Variants in CFAP58 observed in about 807,000 individuals in gnomAD.
CFAP58 encodes cilia- and flagella-associated protein 58.
CFAP58 carries 88 observed loss-of-function variants against 119.5 expected under a neutral mutation model. The observed-to-expected ratio is 0.74, with a 90% CI of 0.62 to 0.88. The LOEUF is 0.88. Ranked by LOEUF, CFAP58 falls within the 40% of genes least tolerant of loss-of-function variation. CFAP58 has a pLI of 0.00. For synonymous variants in CFAP58, 365 were observed against 366.3 expected (o/e 1.00, Z 0.04); for missense variants, 990 against 1,021.2 (o/e 0.97, Z 0.42).
upstream of CFAP58, among the ~76,000 whole-genome samples, chr10:104,352,816 T>A (rs768852167): frequency 6.6e-6 from 1 of 152,120 alleles, no homozygotes; most frequent in African/African-American, 2.4e-5. Flanking sequence ...TCAGAAGCAA[T>A]GAACTATATG....
chr10:104,403,274 A>G (rs1339917108), intron 13 of CFAP58, among the ~76,000 whole-genome samples: 2 of 152,112 alleles, frequency 1.3e-5, no homozygotes, highest in Non-Finnish European at 2.9e-5. Context: ...GCCTGCCACG[A>G]TGTAAGATGT....
chr10:104,373,292 A>C (rs1489688056), intron 7 of CFAP58, among the ~76,000 whole-genome samples: 1 of 152,212 alleles, frequency 6.6e-6, no homozygotes, highest in African/African-American at 2.4e-5. Flanking sequence ...GAATAAAAAT[A>C]TAAATCTGTC....
At chr10:104,407,324 A>G (rs761288386) in intron 15 of CFAP58, among the ~76,000 whole-genome samples, 29 of 152,160 alleles carry the variant, frequency 1.9e-4, no homozygotes, top group Non-Finnish European at 3.8e-4. Flanking sequence ...CATCATCATC[A>G]TCATCATCAT....
rs1318026071 is a variant in CFAP58, at chr10:104,365,664, G to T, written c.598-150G>T. On this transcript the variant is annotated intron_variant, in intron 4 of 17. Coordinates refer to ENST00000369704, the MANE Select transcript of CFAP58 (RefSeq NM_001008723.2). ...TATTCCTGAAAAGTTTGAACACTGG[G>T]GCTCAAGGATGTCTGCCCTATAGGG... 3 of 557,610 alleles carry T rather than the reference G, an allele frequency of 5.4e-6. No homozygotes were observed. In the Admixed American group the frequency reaches 9.8e-5, roughly 18 times the overall value. 34.5% of individuals were successfully genotyped at this position (557,610 alleles called of 1,614,324 possible). A position where few individuals can be genotyped will look rare whatever the true frequency, so the allele number is the denominator to read the frequency against.
intron 15 of CFAP58, among the ~76,000 whole-genome samples, chr10:104,410,225 G>A (rs139225900): frequency 1.4e-3 from 219 of 152,282 alleles, no homozygotes; most frequent in African/African-American, 4.8e-3. Flanking sequence ...TACAAACAGT[G>A]TAAGGATTTG....
chr10:104,434,677 T>C (rs1384559461), intron 15 of CFAP58, among the ~76,000 whole-genome samples: 2 of 152,176 alleles, frequency 1.3e-5, no homozygotes, highest in African/African-American at 4.8e-5. Flanking sequence ...CTCCAAGCAT[T>C]TGGGAAGTGA....
At chr10:104,446,422 A>G (rs1346973352) in intron 15 of CFAP58, among the ~76,000 whole-genome samples, 1 of 152,212 alleles carries the variant, frequency 6.6e-6, no homozygotes, top group Non-Finnish European at 1.5e-5. Context: ...TTTGTAATGG[A>G]GTTTCAATAA....
rs139062296 is a variant in CFAP58 at position 104,400,720 on chromosome 10, G to A, written c.1856G>A (p.Arg619Gln). The A allele has an allele frequency of 5.0e-5, 80 of 1,613,966 alleles. No homozygotes were observed. In the African/African-American group the frequency reaches 7.2e-4, roughly 15 times the overall value. Residue 619 changes from arginine to glutamine, a missense_variant, in exon 13 of 18, where the codon CGG becomes CAG. Arg to Gln is a conservative substitution (Grantham distance 43). Transcript: ENST00000369704. The part of the protein sequence containing the change: ...ERDILGSQLV[R>Q]RNDELALLYE... ...GATATCCTGGGGTCTCAGCTTGTTCGGCGCAATGATGAGTTAGCTTTGCTC... is the reference window on the plus strand; with the variant it reads ...GATATCCTGGGGTCTCAGCTTGTTCAGCGCAATGATGAGTTAGCTTTGCTC...
intron 4 of CFAP58, 111 bp from the exon 5 acceptor site, chr10:104,365,703 A>T: frequency 2.2e-6 from 2 of 900,826 alleles, no homozygotes; most frequent in Non-Finnish European, 3.4e-6. Flanking sequence ...ATGCTACTGC[A>T]AAGTGCTGCC....
At chr10:104,406,594 A>G in intron 14 of CFAP58, 95 bp from the exon 15 acceptor site, 2 of 968,262 alleles carry the variant, frequency 2.1e-6, no homozygotes, top group South Asian at 1.5e-5. Context: ...CAGGTTTGCA[A>G]CAGATTTTAA....
the CFAP58 span, among the ~76,000 whole-genome samples, chr10:104,341,118 T>C: frequency 3.9e-5 from 6 of 152,198 alleles, no homozygotes; most frequent in African/African-American, 1.4e-4. Flanking sequence ...TGAATCCCCT[T>C]GGCCCTGTCA....
At chr10:104,383,726 T>A (rs1442886261) in intron 9 of CFAP58, among the ~76,000 whole-genome samples, 1 of 150,860 alleles carries the variant, frequency 6.6e-6, no homozygotes, top group Admixed American at 6.6e-5. Flanking sequence ...TGTCCTCTTC[T>A]CATATTTCTT....
intron 8 of CFAP58, among the ~76,000 whole-genome samples, chr10:104,378,005 AC>A: frequency 6.6e-6 from 1 of 152,338 alleles, no homozygotes; most frequent in Admixed American, 6.5e-5. Context: ...CTAATAAACA[AC>A]CAATAGGTTT....
At chr10:104,432,337 C>T (rs2012862099) in intron 15 of CFAP58, among the ~76,000 whole-genome samples, 1 of 152,034 alleles carries the variant, frequency 6.6e-6, no homozygotes, top group African/African-American at 2.4e-5. Context: ...AAACAGTTCA[C>T]AAAGGAAGAA....
chr10:104,403,648 T>G, intron 13 of CFAP58, 81 bp from the exon 14 acceptor site: 1 of 863,740 alleles, frequency 1.2e-6, no homozygotes, highest in Non-Finnish European at 1.9e-6. Flanking sequence ...TAAGACATAG[T>G]GTGTATGCAA....
chr10:104,343,294 A>G, the CFAP58 span, among the ~76,000 whole-genome samples: 1 of 152,226 alleles, frequency 6.6e-6, no homozygotes, highest in Non-Finnish European at 1.5e-5. Context: ...TCCTCTGGGA[A>G]TGTCGGAGCC....
In CFAP58 at chr10:104,376,836, A is replaced by G. The variant is rs1393852403; in HGVS notation, c.1116A>G (p.Ala372=). 4.3e-6 allele frequency: 7 copies of G among 1,613,650 alleles called. No individual in the cohort carries two copies. The highest frequency in any genetic ancestry group is 5.1e-6 in the Non-Finnish European group (6 of 1,179,854). The change falls in exon 8 of 18, where the codon GCA becomes GCG. Residue 372 remains alanine (A), a synonymous_variant. Coordinates refer to ENST00000369704, the MANE Select transcript of CFAP58 (RefSeq NM_001008723.2). ...EREVEASKKQ[A]ELDRKAMDEL... The stretch of plus-strand genomic sequence containing the variant: ...AGGTAGAGGCTTCAAAGAAACAAGC[A>G]GAACTTGACAGAAAGGCAATGGACG...
intron 9 of CFAP58, among the ~76,000 whole-genome samples, chr10:104,380,789 G>A (rs2011775243): frequency 6.6e-6 from 1 of 152,058 alleles, no homozygotes. Flanking sequence ...TTGAGCCTGG[G>A]AGCTTACAAG....
intron 16 of CFAP58, 38 bp from the exon 17 acceptor site, chr10:104,450,028 GATATT>G (rs2133101206): frequency 1.3e-6 from 2 of 1,565,352 alleles, no homozygotes; most frequent in East Asian, 4.5e-5. Flanking sequence ...CTCAGAAAAG[GATATT>G]GTATCTTTTG....
Sources: gnomAD v4.1 joint callset for allele counts (sites outside exome capture counted in the v4.1 genomes callset) on GRCh38, gnomAD v4.1.1 for gene constraint, MANE v1.5 for transcripts, NCBI Gene and HGNC (gene_info 2026-07-23, HGNC 2026-07-21) for gene names.